GABRB3: variants seen among roughly 807,000 people sequenced by gnomAD.
GABRB3 encodes the protein gamma-aminobutyric acid type A receptor subunit beta3, also known as gamma-aminobutyric acid receptor subunit beta-3.
A neutral mutation model predicts 52.1 loss-of-function variants in GABRB3; 14 were observed. The observed-to-expected ratio is 0.27, with a 90% CI of 0.18 to 0.42. The LOEUF (loss-of-function observed/expected upper bound fraction) is 0.42, where lower values mean the gene tolerates loss of function less well. Ranked by LOEUF, GABRB3 falls within the 10% of genes least tolerant of loss-of-function variation. The pLI is 1.00. For missense variants in GABRB3, 307 were observed against 609.1 expected, an observed-to-expected ratio of 0.50 and a Z score of 5.22; for synonymous variants, 260 against 232.3, an observed-to-expected ratio of 1.12 and a Z score of -1.08.
chr15:26,714,305 A>G (rs1488576372), intron 3 of GABRB3, among the ~76,000 whole-genome samples: 1 of 152,206 alleles, frequency 6.6e-6, no homozygotes, highest in Non-Finnish European at 1.5e-5. Flanking sequence ...TGTGAACCCC[A>G]AAAATCCGAG....
chr15:26,635,455 A>G (rs1342038235), intron 3 of GABRB3, among the ~76,000 whole-genome samples: 1 of 151,916 alleles, frequency 6.6e-6, no homozygotes, highest in African/African-American at 2.4e-5. Flanking sequence ...GTATTATTAG[A>G]TTTGCTAAAC....
Position 26,580,420 on chromosome 15 carries a change from C to G in GABRB3, c.581G>C (p.Arg194Pro), listed in dbSNP as rs369581041. ...TCCGGTAACAGCCTTGTCCCCGCCT[C>G]GCCAGTAAAACTCAATGTCATCCGT... ...YTTDDIEFYW[R>P]GGDKAVTGVE... is the part of the protein sequence containing the mutation. Residue 194 changes from arginine (R) to proline (P), a missense_variant, in exon 6 of 9, where the codon CGA becomes CCA. By Grantham distance (103) the Arg-to-Pro change is moderately radical. Coordinates refer to ENST00000311550, the MANE Select transcript of GABRB3 (RefSeq NM_000814.6). 1 of 1,614,016 alleles carries G rather than the reference C, an allele frequency of 6.2e-7. No homozygotes were observed. Among genetic ancestry groups the G allele is most frequent in the South Asian group, 1.1e-5 (1 of 91,084 alleles).
At chr15:26,550,053 G>A (rs994593304) in intron 8 of GABRB3, 4 of 152,152 alleles carry the variant, frequency 2.6e-5, no homozygotes, top group Non-Finnish European at 5.9e-5. Context: ...CTTTGTGCAT[G>A]TCATTAAGGG....
intron 3 of GABRB3, among the ~76,000 whole-genome samples, chr15:26,722,716 C>T (rs557319836): frequency 2.3e-4 from 35 of 152,268 alleles, no homozygotes; most frequent in African/African-American, 7.7e-4. Context: ...ATGGCTGGCC[C>T]GGGAAGCAGT....
At chr15:26,749,750 C>CT (rs112248691) in intron 3 of GABRB3, among the ~76,000 whole-genome samples, 5,888 of 152,082 alleles carry the variant, frequency 0.039, 125 homozygotes, top group Middle Eastern at 0.078. Flanking sequence ...TTCGCGGGGG[C>CT]TTTTTTGTTG....
chr15:26,578,079 G>C (rs1164995985), intron 6 of GABRB3, among the ~76,000 whole-genome samples: 2 of 152,176 alleles, frequency 1.3e-5, no homozygotes, highest in Non-Finnish European at 1.5e-5. Flanking sequence ...GAACCACTGT[G>C]CCCAGCCTCT....
chr15:26,747,547 A>C (rs1471818371), intron 3 of GABRB3, among the ~76,000 whole-genome samples: 1 of 152,120 alleles, frequency 6.6e-6, no homozygotes, highest in African/African-American at 2.4e-5. Context: ...TATAGATGTG[A>C]TTGATTTTTG....
At chr15:26,721,267 A>C (rs769464158) in intron 3 of GABRB3, among the ~76,000 whole-genome samples, 9 of 152,128 alleles carry the variant, frequency 5.9e-5, no homozygotes, top group African/African-American at 2.2e-4. Flanking sequence ...CAGGCAGGAG[A>C]AGCTCTGGAA....
In GABRB3 at chr15:26,621,596, C is replaced by T. The variant is rs969439747; in HGVS notation, c.241-62G>A. On this transcript the variant is annotated intron_variant, in intron 3 of 8. Coordinates refer to ENST00000311550, the MANE Select transcript of GABRB3 (RefSeq NM_000814.6). The surrounding 1 kb of genome is among the most constrained non-coding windows in gnomAD (Gnocchi z 4.1). ...CCCAGCCACAGGTGTATTTCCTCCA[C>T]GACCAGCCAAATTCAGGTTGCAATC... 18 of 1,336,752 alleles carry T rather than the reference C, an allele frequency of 1.3e-5. No homozygotes were observed. The highest frequency in any genetic ancestry group is 2.0e-4 in the Middle Eastern group (1 of 5,068). 82.8% of individuals were successfully genotyped at this position (1,336,752 alleles called of 1,614,324 possible). A position where few individuals can be genotyped will look rare whatever the true frequency, so the allele number is the denominator to read the frequency against.
At chr15:26,597,450 A>G (rs1891433910) in intron 4 of GABRB3, among the ~76,000 whole-genome samples, 1 of 152,174 alleles carries the variant, frequency 6.6e-6, no homozygotes, top group African/African-American at 2.4e-5. Context: ...AGTGTTGTTA[A>G]GGTGACAAGA....
chr15:26,601,618 G>A (rs1891592543), intron 4 of GABRB3, among the ~76,000 whole-genome samples: 1 of 152,040 alleles, frequency 6.6e-6, no homozygotes, highest in South Asian at 2.1e-4. Context: ...ATAACAAAAA[G>A]TTACCAAGTG....
chr15:26,568,761 C>T (rs947350366), intron 6 of GABRB3, among the ~76,000 whole-genome samples: 4 of 150,586 alleles, frequency 2.7e-5, no homozygotes, highest in Non-Finnish European at 5.9e-5. Flanking sequence ...GTGATCCACC[C>T]ACCTCGGCCT....
chr15:26,617,334 TC>T (rs1308171820), intron 4 of GABRB3, among the ~76,000 whole-genome samples: 6 of 152,162 alleles, frequency 3.9e-5, no homozygotes. Context: ...GTGGGGTTCA[TC>T]CCTGGGATGC....
chr15:26,742,045 GT>G (rs140037088), intron 3 of GABRB3, among the ~76,000 whole-genome samples: 1 of 151,940 alleles, frequency 6.6e-6, no homozygotes, highest in African/African-American at 2.4e-5. Flanking sequence ...AAAGTACGCG[GT>G]TTTTTTTATA....
In GABRB3 at chr15:26,547,376, TTATGA is replaced by T. The variant is rs2140643985; in HGVS notation, c.*412_*416del. 1 of 415,008 alleles carries T rather than the reference TTATGA, an allele frequency of 2.4e-6. No individual in the cohort carries two copies. The highest frequency in any genetic ancestry group is 2.0e-5 in the African/African-American group (1 of 48,870). 25.7% of individuals were successfully genotyped at this position (415,008 alleles called of 1,614,324 possible). A position where few individuals can be genotyped will look rare whatever the true frequency, so the allele number is the denominator to read the frequency against. ...TGATTTTTAAACTAAAACATCTAAC[TTATGA>T]TAATACAAGACACATTTGGGGATGA... is the stretch of plus-strand genomic sequence containing the variant. On this transcript the variant is annotated 3_prime_UTR_variant, in exon 9 of 9. Transcript: ENST00000311550.
At chr15:26,756,715 C>T (rs1246840227) in intron 3 of GABRB3, among the ~76,000 whole-genome samples, 1 of 21,334 alleles carries the variant, frequency 4.7e-5, no homozygotes, top group Non-Finnish European at 7.9e-5. Context: ...GTATAAAAAC[C>T]CATGGGGTGT....
intron 3 of GABRB3, among the ~76,000 whole-genome samples, chr15:26,729,936 T>A (rs1889865392): frequency 6.6e-6 from 1 of 152,210 alleles, no homozygotes; most frequent in Non-Finnish European, 1.5e-5. Flanking sequence ...TATTCCCTGA[T>A]GTAACCTCAG....
intron 6 of GABRB3, among the ~76,000 whole-genome samples, chr15:26,568,160 A>C (rs1277784315): frequency 6.6e-6 from 1 of 152,182 alleles, no homozygotes; most frequent in Non-Finnish European, 1.5e-5. Context: ...TTCAGCCCTG[A>C]ATACAGATGT....
At chr15:26,643,586 C>T (rs933488276) in intron 3 of GABRB3, among the ~76,000 whole-genome samples, 1 of 7,550 alleles carries the variant, frequency 1.3e-4, no homozygotes, top group Non-Finnish European at 3.2e-4. Context: ...ACAAGGAGAA[C>T]GTAATGAACC....
Sources: gnomAD v4.1 joint callset for allele counts (sites outside exome capture counted in the v4.1 genomes callset) on GRCh38, gnomAD v4.1.1 for gene constraint, Gnocchi (gnomAD v3.1) non-coding constraint, MANE v1.5 for transcripts, NCBI Gene and HGNC (gene_info 2026-07-23, HGNC 2026-07-21) for gene names.